MEP1B: variants seen among roughly 807,000 people sequenced by gnomAD.
MEP1B encodes N-benzoyl-L-tyrosyl-P-amino-benzoic acid hydrolase subunit beta.
MEP1B carries 80 observed loss-of-function variants against 84.6 expected under a neutral mutation model. The observed-to-expected ratio is 0.95, with a 90% CI of 0.79 to 1.14. MEP1B has a LOEUF of 1.14. MEP1B is among the 50% of genes most tolerant of loss of function. The pLI is 0.00. For synonymous variants in MEP1B, 273 were observed against 288.1 expected, an observed-to-expected ratio of 0.95 and a Z score of 0.53; for missense variants, 766 against 855.1, an observed-to-expected ratio of 0.90 and a Z score of 1.30.
intron 4 of MEP1B, among the ~76,000 whole-genome samples, chr18:32,193,229 CT>C (rs1266555451): frequency 1.3e-5 from 2 of 152,128 alleles, no homozygotes; most frequent in Non-Finnish European, 2.9e-5. Flanking sequence ...GACTTCTACC[CT>C]GGCCTTAGCT....
chr18:32,220,117 A>G, intron 14 of MEP1B, 114 bp from the exon 15 acceptor site: 2 of 974,126 alleles, frequency 2.1e-6, no homozygotes, highest in Non-Finnish European at 3.1e-6. Context: ...GAGGGAGGCC[A>G]GGAGACTGCT....
At chr18:32,199,626 T>C (rs893713798) in intron 5 of MEP1B, among the ~76,000 whole-genome samples, 9 of 152,002 alleles carry the variant, frequency 5.9e-5, no homozygotes, top group Non-Finnish European at 1.3e-4. Flanking sequence ...AAAAAATTTT[T>C]AAGTTCTTTT....
At position 32,213,459 on chromosome 18, in the gene MEP1B, TTG is replaced by T. The variant is rs750380312; in HGVS notation, c.1480_1481del (p.Trp494AlafsTer13). Reference protein sequence around the residue: ...NDDQLQWPCPWQQATMTLLDQ... With the variant: ...NDDQLQWPCPXQQATMTLLDQ... ...ATGATCAATTACAGTGGCCATGTCCTTGGCAACAAGCCACAATGACACTTTTG... is the reference window on the plus strand; with the variant it reads ...ATGATCAATTACAGTGGCCATGTCCTGCAACAAGCCACAATGACACTTTTG... On this transcript the variant is annotated frameshift_variant, in exon 11 of 15. Transcript: ENST00000269202. LOFTEE classifies it high-confidence loss of function. The T allele has an allele frequency of 6.2e-7, 1 of 1,613,958 alleles. No homozygotes were observed. Among genetic ancestry groups the T allele is most frequent in the Non-Finnish European group, 8.5e-7 (1 of 1,179,824 alleles).
chr18:32,195,815 C>A (rs781772090), intron 5 of MEP1B, among the ~76,000 whole-genome samples: 1 of 152,116 alleles, frequency 6.6e-6, no homozygotes, highest in Non-Finnish European at 1.5e-5. Flanking sequence ...ATCATATATT[C>A]ATTGAACCAG....
At chr18:32,203,092 C>A in intron 6 of MEP1B, 82 bp downstream of exon 6, 1 of 775,034 alleles carries the variant, frequency 1.3e-6, no homozygotes, top group Non-Finnish European at 2.1e-6. Flanking sequence ...TCATCCTAGG[C>A]TCTGACCTTT....
rs1187074450 is a variant in MEP1B at position 32,204,278 on chromosome 18, C to A, written c.465C>A (p.Leu155=). 1 of 1,603,678 alleles carries A rather than the reference C, an allele frequency of 6.2e-7. No homozygotes were observed. Among genetic ancestry groups the A allele is most frequent in the African/African-American group, 1.3e-5 (1 of 74,802 alleles). Residue 155 remains leucine (L), a synonymous_variant, in exon 7 of 15, where the codon CTC becomes CTA. Coordinates refer to ENST00000269202, the MANE Select transcript of MEP1B (RefSeq NM_005925.3). ...TAGCAACAGTTCAACACGAGTTCCT[C>A]CACGCTCTGGGATTCTGGCATGAGC... ...DRIATVQHEF[L]HALGFWHEQS...
At chr18:32,217,267 TG>T in intron 13 of MEP1B, 150 bp downstream of exon 13, 1 of 847,620 alleles carries the variant, frequency 1.2e-6, no homozygotes. Flanking sequence ...ATTCTCCTTT[TG>T]GGGCTTTGGA....
At chr18:32,216,018 A>C (rs7234301) in intron 12 of MEP1B, among the ~76,000 whole-genome samples, 13 of 104,108 alleles carry the variant, frequency 1.2e-4, no homozygotes, top group Non-Finnish European at 1.6e-4. Context: ...ATATATATAT[A>C]TCTTGACAGA....
rs1002614834 is a variant in MEP1B at position 32,196,953 on chromosome 18, T to C, written c.250+1468T>C. ...TTGGTTAAACAGGTGCAGGGCCTGATTGATGGGCTCACAGGGAGCCAGTCT... is the reference window on the plus strand; with the variant it reads ...TTGGTTAAACAGGTGCAGGGCCTGACTGATGGGCTCACAGGGAGCCAGTCT... On this transcript the variant is annotated intron_variant, in intron 5 of 14. Transcript: ENST00000269202. This position sits in a 1 kb window ranked among gnomAD's most constrained non-coding sequence, Gnocchi z 4.4. The C allele has an allele frequency of 5.2e-5, 15 of 288,700 alleles. No individual in the cohort carries two copies. The highest frequency in any genetic ancestry group is 1.8e-4 in the African/African-American group (8 of 45,120). 17.9% of individuals were successfully genotyped at this position (288,700 alleles called of 1,614,324 possible).
At position 32,204,218 on chromosome 18, in the gene MEP1B, G is replaced by A. The variant is rs1473975597; in HGVS notation, c.405G>A (p.Lys135=). 1.2e-6 allele frequency: 2 copies of A among 1,606,604 alleles called. No homozygotes were observed. The highest frequency in any genetic ancestry group is 1.7e-6 in the Non-Finnish European group (2 of 1,176,762). The change falls in exon 7 of 15, where the codon AAG becomes AAA. Residue 135 remains lysine, a synonymous_variant. Transcript: ENST00000269202. Reference sequence around the variant, plus strand: ...CAGTAGGAAATAGGCGGGTTGGGAAGCAAGAACTTTCCATCGGGGCAAACT... The same window carrying A: ...CAGTAGGAAATAGGCGGGTTGGGAAACAAGAACTTTCCATCGGGGCAAACT... ...WSSVGNRRVG[K]QELSIGANCD...
intron 12 of MEP1B, 40 bp downstream of exon 12, chr18:32,215,301 T>A (rs73417901): frequency 0.059 from 78,660 of 1,325,228 alleles, 3,033 homozygotes; most frequent in East Asian, 0.19. Flanking sequence ...CTAGTTTTTT[T>A]TTGTTGTGGC....
At chr18:32,209,141 C>T (rs543267464) in intron 9 of MEP1B, among the ~76,000 whole-genome samples, 1 of 152,274 alleles carries the variant, frequency 6.6e-6, no homozygotes, top group East Asian at 1.9e-4. Flanking sequence ...ATTTAAATGC[C>T]CAACACAATT....
At position 32,217,087 on chromosome 18, in the gene MEP1B, G is replaced by GCACTGTT; in HGVS notation, c.1858_1864dup (p.Arg622HisfsTer8). On this transcript the variant is annotated frameshift_variant, in exon 13 of 15. Coordinates refer to ENST00000269202, the MANE Select transcript of MEP1B (RefSeq NM_005925.3). LOFTEE classifies it high-confidence loss of function. ...ACCACCTGTAAAAATGACGGTGTCT[G>GCACTGTT]CACTGTTCGAGATGGCAAAGCTGAG... 4 of 1,613,840 alleles carry GCACTGTT rather than the reference G, an allele frequency of 2.5e-6. No homozygotes were observed. The highest frequency in any genetic ancestry group is 3.4e-6 in the Non-Finnish European group (4 of 1,179,820).
intron 5 of MEP1B, among the ~76,000 whole-genome samples, chr18:32,201,162 T>A (rs1330711486): frequency 6.6e-6 from 1 of 152,218 alleles, no homozygotes; most frequent in South Asian, 2.1e-4. Context: ...GTATGCTCTT[T>A]TACATTCTGT....
chr18:32,200,026 AT>A (rs58977435), intron 5 of MEP1B, among the ~76,000 whole-genome samples: 10,689 of 148,362 alleles, frequency 0.072, 403 homozygotes, highest in African/African-American at 0.092. Context: ...ATCTTAGGCT[AT>A]TTTTTTTTTG....
rs572475772 is a variant in MEP1B at position 32,217,945 on chromosome 18, C to T, written c.2071C>T (p.Pro691Ser). 27 of 1,613,844 alleles carry T rather than the reference C, an allele frequency of 1.7e-5. No homozygotes were observed. In the South Asian group the frequency reaches 2.9e-4, roughly 17 times the overall value. Residue 691 changes from proline (P) to serine (S), a missense_variant, in exon 14 of 15, where the codon CCA becomes TCA. Coordinates refer to ENST00000269202, the MANE Select transcript of MEP1B (RefSeq NM_005925.3). Reference sequence around the variant, plus strand: ...TCGTGAAAGGATGAGCTCAAATCGACCAAATTTGACTCCGCAAAATGTAAG... The same window carrying T: ...TCGTGAAAGGATGAGCTCAAATCGATCAAATTTGACTCCGCAAAATGTAAG... ...KYRERMSSNRPNLTPQNQHAF is the reference protein window; with the variant it reads ...KYRERMSSNRSNLTPQNQHAF
intron 14 of MEP1B, among the ~76,000 whole-genome samples, chr18:32,218,823 CA>C (rs1197224378): frequency 6.6e-6 from 1 of 152,040 alleles, no homozygotes; most frequent in African/African-American, 2.4e-5. Context: ...TTGGGCAAGG[CA>C]ACGGCCTTTG....
At chr18:32,215,969 C>CATATATATATATATATATATATAT (rs10522884) in intron 12 of MEP1B, among the ~76,000 whole-genome samples, 2 of 134,956 alleles carry the variant, frequency 1.5e-5, no homozygotes, top group African/African-American at 2.7e-5. Flanking sequence ...TACATATATG[C>CATATATATATATATATATATATAT]ATATATATAT....
intron 5 of MEP1B, among the ~76,000 whole-genome samples, chr18:32,200,502 T>G (rs1034258607): frequency 3.3e-5 from 5 of 151,890 alleles, no homozygotes; most frequent in African/African-American, 1.2e-4. Flanking sequence ...AAAAGTATCC[T>G]TACGTTTCAG....
Sources: allele counts gnomAD v4.1 joint callset (sites outside exome capture counted in the v4.1 genomes callset), GRCh38; gene constraint gnomAD v4.1.1; non-coding constraint Gnocchi (gnomAD v3.1); transcripts MANE v1.5; gene names NCBI Gene and HGNC (gene_info 2026-07-23, HGNC 2026-07-21).